PKD1L3: variants seen among roughly 807,000 people sequenced by gnomAD.
PKD1L3 encodes the protein polycystin-1-like protein 3.
In PKD1L3, 239 loss-of-function variants were observed where a neutral mutation model predicts 184.1. The observed-to-expected ratio is 1.30, with a 90% CI of 1.17 to 1.45. The LOEUF is 1.45. Among genes scored for constraint, PKD1L3 ranks in the 40% most tolerant of loss-of-function variants. The probability of loss-of-function intolerance (pLI) is 0.00; values close to 1 mark genes in which losing one functional copy is unlikely to be tolerated. For synonymous variants in PKD1L3, 996 were observed against 778.8 expected, an observed-to-expected ratio of 1.28 and a Z score of -4.64; for missense variants, 2,660 against 2,067.2, an observed-to-expected ratio of 1.29 and a Z score of -5.56.
intron 16 of PKD1L3, among the ~76,000 whole-genome samples, chr16:71,955,480 A>C (rs544934263): frequency 6.6e-6 from 1 of 152,204 alleles, no homozygotes; most frequent in Non-Finnish European, 1.5e-5. Context: ...CACACATAAC[A>C]GAATATCATT....
At position 71,973,504 on chromosome 16, in the gene PKD1L3, C is replaced by T. The variant is rs189104342; in HGVS notation, c.1773G>A (p.Thr591=). 46 of 1,551,546 alleles carry T rather than the reference C, an allele frequency of 3.0e-5. No individual in the cohort carries two copies. The highest frequency in any genetic ancestry group is 3.5e-5 in the Non-Finnish European group (40 of 1,147,006). The change falls in exon 12 of 30, where the codon ACG becomes ACA. Residue 591 remains threonine, a synonymous_variant. Transcript: ENST00000620267. ...GCAGATGCTCTGGATTCAGCACCCACGTGTACTCCTCATCTTAGAACAAAG... is the reference window on the plus strand; with the variant it reads ...GCAGATGCTCTGGATTCAGCACCCATGTGTACTCCTCATCTTAGAACAAAG... ...DKVWQKDEEY[T]WVLNPEHLQH...
At chr16:71,992,949 G>A (rs1219970285) in intron 3 of PKD1L3, among the ~76,000 whole-genome samples, 1 of 152,276 alleles carries the variant, frequency 6.6e-6, no homozygotes, top group South Asian at 2.1e-4. Flanking sequence ...ACTTTAAGAC[G>A]ACTACTTTGT....
chr16:71,985,620 A>C (rs763238975), intron 5 of PKD1L3, among the ~76,000 whole-genome samples: 1 of 152,058 alleles, frequency 6.6e-6, no homozygotes, highest in Non-Finnish European at 1.5e-5. Context: ...AGTTTAATAG[A>C]GAAAAGGTCT....
At chr16:71,962,091 AT>A (rs1399356928) in intron 16 of PKD1L3, among the ~76,000 whole-genome samples, 1 of 138,734 alleles carries the variant, frequency 7.2e-6, no homozygotes, top group African/African-American at 2.7e-5. Context: ...AGTCTGGCTA[AT>A]TTTTGTACTT....
At chr16:71,967,606 A>G (rs1427285939) in intron 14 of PKD1L3, among the ~76,000 whole-genome samples, 1 of 152,120 alleles carries the variant, frequency 6.6e-6, no homozygotes. Context: ...CTGTGATTAT[A>G]GTCATGGGCC....
chr16:71,998,332 TGA>T lies in PKD1L3; in HGVS notation c.356_357del (p.Phe119TyrfsTer22), dbSNP rs1388803367. The T allele has an allele frequency of 6.4e-7, 1 of 1,551,820 alleles. No homozygotes were observed. The highest frequency in any genetic ancestry group is 1.4e-5 in the African/African-American group (1 of 73,072). Reference protein sequence around the residue: ...PLSCTYLSRNFIRISSKGDKC... With the variant: ...PLSCTYLSRNXIRISSKGDKC... ...TTGTCCCCTTTGGATGAGATCCGAA[TGA>T]AGTTTCTGGACAGGTAGGTGCAGCT... is the stretch of plus-strand genomic sequence containing the variant. On this transcript the variant is annotated frameshift_variant, in exon 2 of 30. Coordinates refer to ENST00000620267, the MANE Select transcript of PKD1L3 (RefSeq NM_181536.2). LOFTEE classifies it high-confidence loss of function.
intron 16 of PKD1L3, among the ~76,000 whole-genome samples, chr16:71,955,898 G>A (rs1473009539): frequency 6.6e-6 from 1 of 152,160 alleles, no homozygotes; most frequent in African/African-American, 2.4e-5. Context: ...ATGATTGTAA[G>A]TCTCCTGAGG....
intron 2 of PKD1L3, among the ~76,000 whole-genome samples, chr16:71,996,099 C>A (rs931514761): frequency 6.6e-6 from 1 of 151,770 alleles, no homozygotes; most frequent in Non-Finnish European, 1.5e-5. Flanking sequence ...TATTCACATG[C>A]CGATGTAAGA....
intron 21 of PKD1L3, among the ~76,000 whole-genome samples, chr16:71,949,456 A>G (rs1407137434): frequency 6.6e-6 from 1 of 151,346 alleles, no homozygotes; most frequent in Non-Finnish European, 1.5e-5. Context: ...GGGCCAAGCA[A>G]TCCTCCCACC....
At chr16:71,971,943 A>G (rs1324455742) in intron 12 of PKD1L3, among the ~76,000 whole-genome samples, 5 of 152,094 alleles carry the variant, frequency 3.3e-5, no homozygotes, top group African/African-American at 9.7e-5. Flanking sequence ...TAGGCCGGGC[A>G]CGGTGGCTCA....
Position 71,953,057 on chromosome 16 carries a change from A to G in PKD1L3, c.2846T>C (p.Val949Ala). 1 of 1,535,430 alleles carries G rather than the reference A, an allele frequency of 6.5e-7. No individual in the cohort carries two copies. The highest frequency in any genetic ancestry group is 8.8e-7 in the Non-Finnish European group (1 of 1,140,942). ...GAGGATGACAGCAGTATGGATGCTG[A>G]CCAGCAGTTCAGACCAGGCCACAGC... ...PFAVAWSELL[V>A]SIHTAVILFP... The change falls in exon 18 of 30, where the codon GTC becomes GCC. Residue 949 changes from valine to alanine, a missense_variant. Coordinates refer to ENST00000620267, the MANE Select transcript of PKD1L3 (RefSeq NM_181536.2).
At chr16:71,931,866 G>A (rs539661205) in intron 28 of PKD1L3, among the ~76,000 whole-genome samples, 40 of 152,204 alleles carry the variant, frequency 2.6e-4, no homozygotes, top group Non-Finnish European at 5.1e-4. Flanking sequence ...CTTTATAGTG[G>A]AACTGCTACG....
intron 24 of PKD1L3, among the ~76,000 whole-genome samples, chr16:71,938,234 T>A (rs1361757183): frequency 6.6e-6 from 1 of 152,230 alleles, no homozygotes; most frequent in Non-Finnish European, 1.5e-5. Flanking sequence ...GAGCAAAGTT[T>A]TGGCCAAGCC....
At chr16:71,974,205 C>T (rs1031492256) in intron 11 of PKD1L3, among the ~76,000 whole-genome samples, 1 of 152,136 alleles carries the variant, frequency 6.6e-6, no homozygotes, top group Admixed American at 6.5e-5. Context: ...GGACTGCACG[C>T]TAGGGACCGG....
intron 7 of PKD1L3, 119 bp from the exon 8 acceptor site, chr16:71,980,253 T>A: frequency 1.5e-6 from 2 of 1,293,864 alleles, no homozygotes; most frequent in Admixed American, 2.5e-5. Context: ...AAGGGTAGTA[T>A]TCCTTAGAGA....
intron 17 of PKD1L3, 102 bp from the exon 18 acceptor site, chr16:71,953,195 GTT>G: frequency 3.1e-6 from 3 of 958,008 alleles, no homozygotes; most frequent in African/African-American, 1.7e-5. Flanking sequence ...AGTTAACTAC[GTT>G]TATCTAGAGA....
intron 2 of PKD1L3, among the ~76,000 whole-genome samples, chr16:71,997,118 C>T (rs2040814293): frequency 6.6e-6 from 1 of 152,002 alleles, no homozygotes; most frequent in South Asian, 2.1e-4. Context: ...GGCTAGACCA[C>T]AGTGGTTTAA....
chr16:71,957,378 T>C (rs2039088423), intron 16 of PKD1L3, among the ~76,000 whole-genome samples: 1 of 152,136 alleles, frequency 6.6e-6, no homozygotes, highest in African/African-American at 2.4e-5. Flanking sequence ...TTATATCAAA[T>C]GTAAATAGGT....
intron 26 of PKD1L3, 95 bp from the exon 27 acceptor site, chr16:71,934,220 G>C (rs1175055523): frequency 3.6e-6 from 4 of 1,118,582 alleles, no homozygotes; most frequent in Non-Finnish European, 5.2e-6. Flanking sequence ...GCAGCCCTGA[G>C]TCCTGTGAGG....
Sources: gnomAD v4.1 joint callset for allele counts (sites outside exome capture counted in the v4.1 genomes callset) on GRCh38, gnomAD v4.1.1 for gene constraint, MANE v1.5 for transcripts, NCBI Gene and HGNC (gene_info 2026-07-23, HGNC 2026-07-21) for gene names.